Variants in ABLIM1 observed in about 807,000 individuals in gnomAD.
The protein encoded by ABLIM1 is actin-binding LIM protein 1.
ABLIM1 carries 40 observed loss-of-function variants against 107.0 expected under a neutral mutation model. The ratio of observed to expected loss-of-function variants is 0.37; its 90% CI spans 0.29 to 0.49. The LOEUF (loss-of-function observed/expected upper bound fraction) is 0.49, where lower values mean the gene tolerates loss of function less well. Ranked by LOEUF, ABLIM1 falls within the 20% of genes least tolerant of loss-of-function variation. The pLI, the probability that ABLIM1 is intolerant of heterozygous loss-of-function variation, is 0.97. For synonymous variants in ABLIM1, 357 were observed against 357.3 expected, an observed-to-expected ratio of 1.00 and a Z score of 0.01; for missense variants, 857 against 1,008.5, an observed-to-expected ratio of 0.85 and a Z score of 2.04.
At chr10:114,509,554 A>G (rs1198473586) in intron 6 of ABLIM1, among the ~76,000 whole-genome samples, 5 of 152,138 alleles carry the variant, frequency 3.3e-5, no homozygotes, top group Non-Finnish European at 7.4e-5. Context: ...ACACCAGGCT[A>G]ATTTTTATTA....
At chr10:114,553,593 C>G (rs897765902) in intron 4 of ABLIM1, among the ~76,000 whole-genome samples, 1 of 152,198 alleles carries the variant, frequency 6.6e-6, no homozygotes, top group Admixed American at 6.5e-5. Context: ...CCCCTCTGCT[C>G]TGCTGCAAGG....
chr10:114,784,446 C>T, the ABLIM1 span, among the ~76,000 whole-genome samples: 58 of 151,876 alleles, frequency 3.8e-4, 1 homozygote, highest in African/African-American at 1.3e-3. Flanking sequence ...GGGTGGATCA[C>T]TTGAGGTCAG....
rs1279904139 is a variant in ABLIM1 at position 114,432,792 on chromosome 10, A to G, written c.*3468T>C. Reference sequence around the variant, plus strand: ...CCATGACAGATAGAAAACTACCCCCATTTAAAAAAAAACAACAACTCATTA... The same window carrying G: ...CCATGACAGATAGAAAACTACCCCCGTTTAAAAAAAAACAACAACTCATTA... On this transcript the variant is annotated 3_prime_UTR_variant, in exon 23 of 23. Coordinates refer to ENST00000533213, the MANE Select transcript of ABLIM1 (RefSeq NM_002313.7). 1.3e-5 allele frequency: 2 copies of G among 152,118 alleles called. No individual in the cohort carries two copies. Among genetic ancestry groups the G allele is most frequent in the African/African-American group, 2.4e-5 (1 of 41,436 alleles). 9.4% of individuals were successfully genotyped at this position (152,118 alleles called of 1,614,324 possible).
chr10:114,760,756 G>GA (rs2082728442), intron 1 of ABLIM1, among the ~76,000 whole-genome samples: 1 of 152,120 alleles, frequency 6.6e-6, no homozygotes, highest in Non-Finnish European at 1.5e-5. Context: ...TCAACCTTCT[G>GA]AAAATCTTTG....
chr10:114,768,586 C>T (rs1333872154), upstream of ABLIM1, among the ~76,000 whole-genome samples: 3 of 152,202 alleles, frequency 2.0e-5, no homozygotes, highest in East Asian at 2.0e-4. Flanking sequence ...TGAGGGGGCT[C>T]AGCCCGCAGT....
chr10:114,732,677 T>C (rs1336384112), intron 1 of ABLIM1, among the ~76,000 whole-genome samples: 1 of 152,216 alleles, frequency 6.6e-6, no homozygotes, highest in Non-Finnish European at 1.5e-5. Flanking sequence ...TCTATCTCAC[T>C]TACTTTTAGT....
At chr10:114,643,664 A>C (rs1187767840) in intron 1 of ABLIM1, among the ~76,000 whole-genome samples, 1 of 151,712 alleles carries the variant, frequency 6.6e-6, no homozygotes, top group African/African-American at 2.4e-5. Flanking sequence ...TGCAACCTCA[A>C]ATCCTGGGCT....
At chr10:114,787,564 C>T in the ABLIM1 span, among the ~76,000 whole-genome samples, 3 of 144,600 alleles carry the variant, frequency 2.1e-5, no homozygotes, top group Non-Finnish European at 3.1e-5. Context: ...CCAGCCACCC[C>T]GTCCGGGAGG....
At chr10:114,743,929 G>A (rs2082333577) in intron 1 of ABLIM1, among the ~76,000 whole-genome samples, 1 of 152,200 alleles carries the variant, frequency 6.6e-6, no homozygotes, top group Non-Finnish European at 1.5e-5. Context: ...CACACGTAGG[G>A]CTTCCCTGGG....
intron 1 of ABLIM1, among the ~76,000 whole-genome samples, chr10:114,641,739 G>A (rs1316706804): frequency 1.3e-5 from 2 of 152,178 alleles, no homozygotes; most frequent in Non-Finnish European, 2.9e-5. Flanking sequence ...AACGTCCTGA[G>A]ACGGGAGCCC....
the ABLIM1 span, chr10:114,779,824 T>C: frequency 1.1e-4 from 17 of 152,240 alleles, no homozygotes; most frequent in East Asian, 3.3e-3. Flanking sequence ...CTGCACTGAG[T>C]ATCCTTGAAC....
At chr10:114,556,625 T>G (rs2068766050) in intron 4 of ABLIM1, among the ~76,000 whole-genome samples, 1 of 152,198 alleles carries the variant, frequency 6.6e-6, no homozygotes, top group Admixed American at 6.5e-5. Flanking sequence ...CAGAAATGAT[T>G]CAGGCACTTG....
intron 6 of ABLIM1, among the ~76,000 whole-genome samples, chr10:114,511,206 A>G (rs77962058): frequency 0.013 from 1,987 of 152,202 alleles, 22 homozygotes; most frequent in East Asian, 0.041. Context: ...TCAAACTAGT[A>G]TACAAAAAAT....
At chr10:114,695,331 G>T (rs1252426556) in intron 1 of ABLIM1, among the ~76,000 whole-genome samples, 1 of 151,922 alleles carries the variant, frequency 6.6e-6, no homozygotes, top group African/African-American at 2.4e-5. Flanking sequence ...TCAACATAAG[G>T]TGCTCTCCAT....
At chr10:114,524,288 C>T (rs2136627110) in intron 6 of ABLIM1, among the ~76,000 whole-genome samples, 1 of 152,154 alleles carries the variant, frequency 6.6e-6, no homozygotes, top group South Asian at 2.1e-4. Flanking sequence ...ATCTGTAAAC[C>T]TTTGAGAGCA....
chr10:114,716,467 A>G (rs1279460832), intron 1 of ABLIM1, among the ~76,000 whole-genome samples: 1 of 151,830 alleles, frequency 6.6e-6, no homozygotes, highest in Non-Finnish European at 1.5e-5. Flanking sequence ...CCTCAAAGAG[A>G]AAAAAAAGAA....
upstream of ABLIM1, among the ~76,000 whole-genome samples, chr10:114,659,546 C>G (rs1484747668): frequency 6.6e-6 from 1 of 152,014 alleles, no homozygotes; most frequent in African/African-American, 2.4e-5. Flanking sequence ...TTGAAAAATA[C>G]AAAATATATA....
chr10:114,684,298 T>C (rs2080871158), exon 1 of ABLIM1: 3 of 1,613,486 alleles, frequency 1.9e-6, no homozygotes, highest in South Asian at 1.1e-5. Context: ...ACCTTTGTAG[T>C]CTCCCATGGT....
intron 1 of ABLIM1, among the ~76,000 whole-genome samples, chr10:114,725,160 A>G (rs779863346): frequency 1.3e-5 from 2 of 152,156 alleles, no homozygotes; most frequent in Non-Finnish European, 2.9e-5. Flanking sequence ...ATTGATCAAT[A>G]TCCCTCCGAA....
Sources: gnomAD v4.1 joint callset for allele counts (sites outside exome capture counted in the v4.1 genomes callset) on GRCh38, gnomAD v4.1.1 for gene constraint, MANE v1.5 for transcripts, NCBI Gene and HGNC (gene_info 2026-07-23, HGNC 2026-07-21) for gene names.